Variants in QRFPR observed in about 807,000 individuals in gnomAD.
QRFPR encodes pyroglutamylated RFamide peptide receptor.
Under a neutral mutation model 31.3 loss-of-function variants are expected in QRFPR, and 37 were observed. The ratio of observed to expected loss-of-function variants is 1.18; its 90% confidence interval spans 0.91 to 1.56. The LOEUF (loss-of-function observed/expected upper bound fraction) is 1.56, where lower values mean the gene tolerates loss of function less well. Among genes scored for constraint, QRFPR ranks in the 40% most tolerant of loss-of-function variants. QRFPR has a pLI of 0.00. For synonymous variants in QRFPR, 197 were observed against 192.0 expected, an observed-to-expected ratio of 1.03 and a Z score of -0.22; for missense variants, 542 against 532.5, an observed-to-expected ratio of 1.02 and a Z score of -0.18.
chr4:121,351,492 T>C (rs1374230359), intron 1 of QRFPR, among the ~76,000 whole-genome samples: 1 of 152,172 alleles, frequency 6.6e-6, no homozygotes, highest in East Asian at 1.9e-4. Context: ...TTGCTTAAAC[T>C]TTCCACTAAT....
intron 1 of QRFPR, among the ~76,000 whole-genome samples, chr4:121,348,629 T>TA (rs1459255332): frequency 6.6e-6 from 1 of 152,182 alleles, no homozygotes; most frequent in African/African-American, 2.4e-5. Context: ...TTCTTCAAAA[T>TA]AATAAGGAAA....
intron 1 of QRFPR, among the ~76,000 whole-genome samples, chr4:121,345,746 G>A (rs754905551): frequency 2.0e-5 from 3 of 152,072 alleles, no homozygotes; most frequent in Non-Finnish European, 2.9e-5. Flanking sequence ...CCCAAAACAT[G>A]GACCTTTTGC....
chr4:121,337,462 C>A (rs1391042371), intron 2 of QRFPR, among the ~76,000 whole-genome samples: 1 of 152,194 alleles, frequency 6.6e-6, no homozygotes, highest in African/African-American at 2.4e-5. Flanking sequence ...CTCCAAACTC[C>A]TTGAAAGCAA....
intron 1 of QRFPR, among the ~76,000 whole-genome samples, chr4:121,379,577 A>ACACTGCTCC (rs1237400312): frequency 1.3e-5 from 2 of 152,072 alleles, no homozygotes; most frequent in Non-Finnish European, 2.9e-5. Context: ...CAACCTCCAC[A>ACACTGCTCC]CACTGCTCCC....
intron 1 of QRFPR, 78 bp from the exon 2 acceptor site, chr4:121,340,688 C>T (rs1359729859): frequency 7.2e-6 from 10 of 1,395,280 alleles, no homozygotes; most frequent in Non-Finnish European, 9.8e-6. Context: ...GTAATTATCA[C>T]TATCAGTCCA....
intron 1 of QRFPR, among the ~76,000 whole-genome samples, chr4:121,350,705 T>C (rs1226906223): frequency 6.6e-6 from 1 of 152,204 alleles, no homozygotes; most frequent in Admixed American, 6.5e-5. Flanking sequence ...ACTTTTCCTA[T>C]ATATCATTTT....
At chr4:121,380,192 A>AGAGAGAGAGG in intron 1 of QRFPR, 116 bp downstream of exon 1, 2 of 154,036 alleles carry the variant, frequency 1.3e-5, no homozygotes, top group Non-Finnish European at 2.2e-5. Flanking sequence ...GAGAGGAGAG[A>AGAGAGAGAGG]GAGAGAGAGA....
chr4:121,360,480 A>C (rs546692996), intron 1 of QRFPR, among the ~76,000 whole-genome samples: 10 of 152,184 alleles, frequency 6.6e-5, no homozygotes, highest in African/African-American at 1.7e-4. Flanking sequence ...TGATGGGTTT[A>C]ATTTTTTTTT....
At position 121,372,961 on chromosome 4, in the gene QRFPR, C is replaced by T. The variant is rs1020324118; in HGVS notation, c.340+7347G>A. ...CAACACAGAGGGAAGTGGAGCTGGC[C>T]GCCGAGGGGGAGGATGATCACTGTT... On this transcript the variant is annotated intron_variant, in intron 1 of 5. Coordinates refer to ENST00000394427, the MANE Select transcript of QRFPR (RefSeq NM_198179.3). Among the ~76,000 whole-genome samples, 16 of 152,212 alleles carry T rather than the reference C, an allele frequency of 1.1e-4. 1 individual carries two copies. Among genetic ancestry groups the T allele is most frequent in the African/African-American group, 3.1e-4 (13 of 41,532 alleles).
intron 1 of QRFPR, among the ~76,000 whole-genome samples, chr4:121,361,710 T>C (rs570802872): frequency 6.0e-5 from 9 of 150,322 alleles, no homozygotes; most frequent in Non-Finnish European, 1.2e-4. Context: ...CACGAAAAGT[T>C]CACAATAGAT....
chr4:121,331,123 T>A (rs1725313049), intron 4 of QRFPR, among the ~76,000 whole-genome samples: 1 of 148,876 alleles, frequency 6.7e-6, no homozygotes, highest in Admixed American at 6.8e-5. Context: ...TTATGAAATA[T>A]GGGAAGTTCC....
In QRFPR at chr4:121,340,525, T is replaced by C. The variant is rs747176100; in HGVS notation, c.426A>G (p.Glu142=). Residue 142 remains glutamate (E), a synonymous_variant, in exon 2 of 6, where the codon GAA becomes GAG. Transcript: ENST00000394427. Reference sequence around the variant, plus strand: ...AAGGATGCACAAGTCCCTGGTGCCTTTCCACAGCAATGCAGGTCATAGTGA... The same window carrying C: ...AAGGATGCACAAGTCCCTGGTGCCTCTCCACAGCAATGCAGGTCATAGTGA... ...EILTMTCIAV[E]RHQGLVHPFK... is the part of the protein sequence containing the mutation. 1.2e-6 allele frequency: 2 copies of C among 1,614,114 alleles called. No homozygotes were observed. The highest frequency in any genetic ancestry group is 1.7e-6 in the Non-Finnish European group (2 of 1,179,980).
intron 5 of QRFPR, among the ~76,000 whole-genome samples, chr4:121,330,008 C>G (rs1725291223): frequency 6.6e-6 from 1 of 152,106 alleles, no homozygotes; most frequent in South Asian, 2.1e-4. Flanking sequence ...GCAGCAGTAA[C>G]CCTTCAAATG....
At chr4:121,345,019 C>T (rs1725618097) in intron 1 of QRFPR, among the ~76,000 whole-genome samples, 1 of 152,152 alleles carries the variant, frequency 6.6e-6, no homozygotes, top group Admixed American at 6.5e-5. Context: ...CACAGTTGTG[C>T]TTCTTAAAGT....
At chr4:121,379,334 T>C (rs2110487756) in intron 1 of QRFPR, among the ~76,000 whole-genome samples, 1 of 152,328 alleles carries the variant, frequency 6.6e-6, no homozygotes, top group South Asian at 2.1e-4. Flanking sequence ...AGAGAATTAG[T>C]AATGGGATAG....
intron 1 of QRFPR, chr4:121,369,414 C>T: frequency 1.3e-6 from 1 of 762,400 alleles, no homozygotes; most frequent in Non-Finnish European, 2.2e-6. Context: ...ACCAGAATCC[C>T]TGGAAAGAAA....
intron 1 of QRFPR, among the ~76,000 whole-genome samples, chr4:121,378,277 G>A (rs190979966): frequency 6.6e-6 from 1 of 152,172 alleles, no homozygotes; most frequent in East Asian, 1.9e-4. Flanking sequence ...TAAGAAGCAG[G>A]GAGAAAAGAA....
At chr4:121,373,574 C>T (rs185377421) in intron 1 of QRFPR, among the ~76,000 whole-genome samples, 72 of 152,256 alleles carry the variant, frequency 4.7e-4, no homozygotes, top group Admixed American at 5.9e-4. Context: ...GTTGATTTTA[C>T]ACCAATCTTA....
chr4:121,372,630 A>G (rs1253347717), intron 1 of QRFPR, among the ~76,000 whole-genome samples: 1 of 152,132 alleles, frequency 6.6e-6, no homozygotes, highest in Non-Finnish European at 1.5e-5. Flanking sequence ...TTCTGTCTCT[A>G]TGACTTTGCT....
Sources: gnomAD v4.1 joint callset for allele counts (sites outside exome capture counted in the v4.1 genomes callset) on GRCh38, gnomAD v4.1.1 for gene constraint, MANE v1.5 for transcripts, NCBI Gene and HGNC (gene_info 2026-07-23, HGNC 2026-07-21) for gene names.